Variants in SH3KBP1 observed in about 807,000 individuals in gnomAD.
SH3KBP1 encodes the protein SH3 domain-containing kinase-binding protein 1.
Under a neutral mutation model 50.1 loss-of-function variants are expected in SH3KBP1, and 8 were observed. The ratio of observed to expected loss-of-function variants is 0.16; its 90% CI spans 0.09 to 0.29. SH3KBP1 has a LOEUF of 0.29. Among genes scored for constraint, SH3KBP1 ranks in the 10% least tolerant of loss-of-function variants. SH3KBP1 has a pLI of 1.00. For missense variants in SH3KBP1, 377 were observed against 535.2 expected (o/e 0.70, Z 2.92); for synonymous variants, 227 against 218.6 (o/e 1.04, Z -0.34).
At chrX:19,732,696 A>G (rs1306474697) in intron 3 of SH3KBP1, among the ~76,000 whole-genome samples, 1 of 99,556 alleles carries the variant, frequency 1.0e-5, no homozygotes, top group Non-Finnish European at 2.0e-5. Flanking sequence ...CAAATACAGC[A>G]TTTTATAATT....
chrX:19,625,070 G>A (rs2067971442), intron 8 of SH3KBP1, among the ~76,000 whole-genome samples: 1 of 112,036 alleles, frequency 8.9e-6, no homozygotes, highest in Non-Finnish European at 1.9e-5. Context: ...GCCAGCAATC[G>A]ATTTAGCTGA....
In SH3KBP1 at chrX:19,887,327, C is replaced by A; in HGVS notation, c.-17G>T. ...CTCACCCATTGGCGTCGAGCCGGGC[C>A]GGGCCGCCGAGGCAGCGTGAAAGTT... On this transcript the variant is annotated 5_prime_UTR_variant, in exon 1 of 18. Transcript: ENST00000397821. The A allele has an allele frequency of 1.0e-6, 1 of 978,513 alleles. No homozygotes were observed. The allele number at this position is 978,513 out of a possible 1,213,427, so 80.6% of individuals were successfully genotyped here.
intron 2 of SH3KBP1, among the ~76,000 whole-genome samples, chrX:19,767,934 G>T (rs1185003366): frequency 2.7e-5 from 3 of 110,405 alleles, no homozygotes; most frequent in Non-Finnish European, 1.9e-5. Flanking sequence ...TGGTTCTGTT[G>T]ACTTGGAAGT....
intron 12 of SH3KBP1, chrX:19,588,291 G>C: frequency 9.8e-7 from 1 of 1,021,602 alleles, no homozygotes; most frequent in Non-Finnish European, 1.3e-6. Context: ...AACATCCAGG[G>C]GGACAAAGAG....
chrX:19,629,371 A>T (rs1384627207), intron 8 of SH3KBP1, among the ~76,000 whole-genome samples: 2 of 111,328 alleles, frequency 1.8e-5, no homozygotes, highest in Non-Finnish European at 3.8e-5. Context: ...TTGGTGCAGA[A>T]GGGTAAGTGA....
At chrX:19,838,517 C>A (rs2068121692) in intron 1 of SH3KBP1, among the ~76,000 whole-genome samples, 1 of 112,206 alleles carries the variant, frequency 8.9e-6, no homozygotes, top group African/African-American at 3.2e-5. Context: ...ATCACCCTCA[C>A]AAAGTGGGTC....
At chrX:19,778,813 T>C (rs570503034) in intron 2 of SH3KBP1, among the ~76,000 whole-genome samples, 2 of 109,971 alleles carry the variant, frequency 1.8e-5, no homozygotes, top group Admixed American at 9.7e-5. Flanking sequence ...CTAGTGGAGG[T>C]TGGAAATTGA....
intron 3 of SH3KBP1, among the ~76,000 whole-genome samples, chrX:19,734,554 A>C (rs2064481562): frequency 9.0e-6 from 1 of 111,573 alleles, no homozygotes; most frequent in Admixed American, 9.5e-5. Flanking sequence ...CATACCATAA[A>C]ATTTACCCAT....
chrX:19,631,803 T>C lies in SH3KBP1; in HGVS notation c.897+61A>G, dbSNP rs1183382553. 5.6e-6 allele frequency: 4 copies of C among 716,558 alleles called. No individual in the cohort carries two copies. The East Asian group carries it at 1.3e-4, about 24-fold the overall frequency. The allele number at this position is 716,558 out of a possible 1,213,427, so 59.1% of individuals were successfully genotyped here. A position where few individuals can be genotyped will look rare whatever the true frequency, so the allele number is the denominator to read the frequency against. On this transcript the variant is annotated intron_variant, in intron 8 of 17. Transcript: ENST00000397821. ...CAAGCGCTGAAGCAAAAGCTTATAC[T>C]GTCCAGTCAACACCCCAAAGCAGTT...
intron 3 of SH3KBP1, among the ~76,000 whole-genome samples, chrX:19,716,317 T>G (rs1388780914): frequency 2.7e-5 from 3 of 112,272 alleles, no homozygotes; most frequent in African/African-American, 9.7e-5. Flanking sequence ...TGGCTGTACC[T>G]GGACTGTTGC....
chrX:19,884,916 T>G (rs2069546305), intron 1 of SH3KBP1, among the ~76,000 whole-genome samples: 1 of 112,068 alleles, frequency 8.9e-6, no homozygotes, highest in East Asian at 2.8e-4. Context: ...TTGGTTCTTT[T>G]CTGTTATTTT....
chrX:19,741,813 C>T (rs1329210213), intron 3 of SH3KBP1, among the ~76,000 whole-genome samples: 1 of 112,064 alleles, frequency 8.9e-6, no homozygotes, highest in Non-Finnish European at 1.9e-5. Flanking sequence ...AGCACAAGGG[C>T]AGATGCATAG....
rs756363927 is a variant in SH3KBP1 at position 19,592,144 on chromosome X, G to A, written c.1061C>T (p.Thr354Ile). ...SAPVIKQGAG[T>I]TERKHEIKKI... Reference sequence around the variant, plus strand: ...TTTAATTTCATGTTTTCTCTCAGTGGTGCCTAGGAGGGAAAGGGTAATAGT... The same window carrying A: ...TTTAATTTCATGTTTTCTCTCAGTGATGCCTAGGAGGGAAAGGGTAATAGT... The change falls in exon 11 of 18, where the codon ACC becomes ATC. Residue 354 changes from threonine (T) to isoleucine (I), a missense_variant. By Grantham distance (89) the Thr-to-Ile change is moderately conservative (BLOSUM62 -1). Coordinates refer to ENST00000397821, the MANE Select transcript of SH3KBP1 (RefSeq NM_031892.3). The A allele has an allele frequency of 1.7e-4, 203 of 1,186,269 alleles. No homozygotes were observed. The highest frequency in any genetic ancestry group is 2.3e-4 in the Non-Finnish European group (199 of 876,591).
At chrX:19,669,938 G>A (rs1323642105) in intron 6 of SH3KBP1, among the ~76,000 whole-genome samples, 1 of 107,687 alleles carries the variant, frequency 9.3e-6, no homozygotes, top group African/African-American at 3.4e-5. Context: ...AAAGCCAACA[G>A]AAAAAGACAT....
At chrX:19,678,657 A>T (rs780404348) in intron 6 of SH3KBP1, among the ~76,000 whole-genome samples, 1 of 111,310 alleles carries the variant, frequency 9.0e-6, no homozygotes, top group African/African-American at 3.3e-5. Flanking sequence ...TTGATTATCC[A>T]TTCACTCACT....
chrX:19,627,138 G>A (rs1351536041), intron 8 of SH3KBP1, among the ~76,000 whole-genome samples: 2 of 112,250 alleles, frequency 1.8e-5, no homozygotes, highest in Admixed American at 9.4e-5. Context: ...TTACAATAGG[G>A]TCACAGAGGA....
intron 9 of SH3KBP1, among the ~76,000 whole-genome samples, chrX:19,598,000 C>T (rs1305063502): frequency 8.9e-6 from 1 of 112,688 alleles, no homozygotes; most frequent in African/African-American, 3.2e-5. Flanking sequence ...CTTGCTGCTT[C>T]ACCTTGTACT....
intron 2 of SH3KBP1, among the ~76,000 whole-genome samples, chrX:19,793,441 G>A (rs2147189881): frequency 9.1e-6 from 1 of 110,182 alleles, no homozygotes; most frequent in South Asian, 3.9e-4. Flanking sequence ...TGAAGCCTCA[G>A]GCAGGCAACT....
intron 9 of SH3KBP1, among the ~76,000 whole-genome samples, chrX:19,597,382 C>A (rs1211109769): frequency 8.9e-6 from 1 of 112,086 alleles, no homozygotes; most frequent in Non-Finnish European, 1.9e-5. Context: ...GTTTTTCCAT[C>A]TATAGAACAG....
Sources: allele counts gnomAD v4.1 joint callset (sites outside exome capture counted in the v4.1 genomes callset), GRCh38; gene constraint gnomAD v4.1.1; transcripts MANE v1.5; gene names NCBI Gene and HGNC (gene_info 2026-07-23, HGNC 2026-07-21).